Variants in FARP1 observed in about 807,000 individuals in gnomAD.
FARP1 encodes the protein FERM, ARH/RhoGEF and pleckstrin domain protein 1, also known as FERM, ARHGEF and pleckstrin domain-containing protein 1.
FARP1 carries 52 observed loss-of-function variants against 128.8 expected under a neutral mutation model. The ratio of observed to expected loss-of-function variants is 0.40; its 90% CI spans 0.32 to 0.51. The LOEUF (loss-of-function observed/expected upper bound fraction) is 0.51. FARP1 is among the 20% of genes least tolerant of loss of function. The pLI, the probability that FARP1 is intolerant of heterozygous loss-of-function variation, is 0.45. For missense variants in FARP1, 1,333 were observed against 1,367.9 expected, an observed-to-expected ratio of 0.97 and a Z score of 0.40; for synonymous variants, 580 against 551.8, an observed-to-expected ratio of 1.05 and a Z score of -0.72.
At chr13:98,253,377 G>A (rs899807087) in intron 2 of FARP1, among the ~76,000 whole-genome samples, 19 of 152,086 alleles carry the variant, frequency 1.2e-4, no homozygotes, top group African/African-American at 3.4e-4. Flanking sequence ...TGATGCTCTC[G>A]CAGGAAATGC....
intron 2 of FARP1, chr13:98,340,961 G>A (rs150516817): frequency 6.6e-6 from 1 of 152,290 alleles, no homozygotes; most frequent in African/African-American, 2.4e-5. Flanking sequence ...GGAGAGCTTG[G>A]CAGGGAAGAA....
intron 2 of FARP1, among the ~76,000 whole-genome samples, chr13:98,276,274 G>T (rs1884650360): frequency 6.6e-6 from 1 of 152,182 alleles, no homozygotes; most frequent in African/African-American, 2.4e-5. Context: ...CTCTGAAAAA[G>T]ATATTTAGAA....
At chr13:98,201,184 T>A (rs1403300203) in intron 1 of FARP1, among the ~76,000 whole-genome samples, 1 of 152,224 alleles carries the variant, frequency 6.6e-6, no homozygotes, top group East Asian at 1.9e-4. Flanking sequence ...GGTTCATGCC[T>A]GTACTCCCAG....
rs1893123787 is a variant in FARP1 at position 98,450,280 on chromosome 13, T to G, written c.*1963T>G. On this transcript the variant is annotated 3_prime_UTR_variant, in exon 27 of 27. Transcript: ENST00000319562. ...ACATGCCCTATTAGGTCACTCTGCCTTTGCTGACACATTTTATAGCAGAAA... is the reference window on the plus strand; with the variant it reads ...ACATGCCCTATTAGGTCACTCTGCCGTTGCTGACACATTTTATAGCAGAAA... 6.6e-6 allele frequency: 1 copy of G among 152,174 alleles called. No individual in the cohort carries two copies. The highest frequency in any genetic ancestry group is 2.1e-4 in the South Asian group (1 of 4,834). The allele number at this position is 152,174 out of a possible 1,614,324, so 9.4% of individuals were successfully genotyped here. A position where few individuals can be genotyped will look rare whatever the true frequency, so the allele number is the denominator to read the frequency against.
At chr13:98,433,060 C>T (rs529536295) in intron 18 of FARP1, 3 of 152,386 alleles carry the variant, frequency 2.0e-5, no homozygotes, top group African/African-American at 7.2e-5. Context: ...AGAAACAGCA[C>T]AAGCTCAGGT....
rs565660512 is a variant in FARP1 at position 98,257,981 on chromosome 13, A to AT, written c.171+44578dup. 2.6e-3 allele frequency among the ~76,000 whole-genome samples: 397 copies of AT among 150,330 alleles called. 2 individuals carry two copies. The highest frequency in any genetic ancestry group is 4.6e-3 in the Non-Finnish European group (310 of 67,432). On this transcript the variant is annotated intron_variant, in intron 2 of 26. Coordinates refer to ENST00000319562, the MANE Select transcript of FARP1 (RefSeq NM_005766.4). ...ATGTCGTACACCATTGATATATATA[A>AT]TTTTTTTTTTGAGATGGAGTCTCGC...
rs760628427 is a variant in FARP1, at chr13:98,176,371, C to G, written c.-24+32879C>G. On this transcript the variant is annotated intron_variant, in intron 1 of 26. Transcript: ENST00000319562. The surrounding 1 kb of genome is among the most constrained non-coding windows in gnomAD (Gnocchi z 6.2). ...GGTTGGCTGGTCACAGATGTAGCAGCGCGGGGTGGCCCGGAAGTGCTCCAG... is the reference window on the plus strand; with the variant it reads ...GGTTGGCTGGTCACAGATGTAGCAGGGCGGGGTGGCCCGGAAGTGCTCCAG... 3.1e-6 allele frequency: 5 copies of G among 1,614,196 alleles called. No individual in the cohort carries two copies. In the Middle Eastern group the frequency reaches 4.9e-4, roughly 160 times the overall value.
At chr13:98,215,224 A>G (rs897343520) in intron 2 of FARP1, among the ~76,000 whole-genome samples, 4 of 152,222 alleles carry the variant, frequency 2.6e-5, no homozygotes, top group Non-Finnish European at 5.9e-5. Context: ...ATTTTTCTTC[A>G]TAATTTCTGA....
chr13:98,206,659 G>T (rs1880288678), intron 1 of FARP1, among the ~76,000 whole-genome samples: 1 of 152,164 alleles, frequency 6.6e-6, no homozygotes, highest in Non-Finnish European at 1.5e-5. Flanking sequence ...TGGATGAATT[G>T]CAAGAGGAAG....
intron 1 of FARP1, among the ~76,000 whole-genome samples, chr13:98,196,947 C>T (rs1409620970): frequency 6.6e-6 from 1 of 152,034 alleles, no homozygotes. Context: ...GATAAGGTAC[C>T]CTTTACACAT....
chr13:98,359,985 T>C (rs771129258), intron 3 of FARP1, among the ~76,000 whole-genome samples: 3 of 152,028 alleles, frequency 2.0e-5, no homozygotes, highest in Non-Finnish European at 4.4e-5. Context: ...AGCTGAATTA[T>C]GGAAGAACAG....
intron 2 of FARP1, among the ~76,000 whole-genome samples, chr13:98,286,445 C>G (rs1266435079): frequency 6.6e-6 from 1 of 152,184 alleles, no homozygotes; most frequent in Non-Finnish European, 1.5e-5. Flanking sequence ...TGGTCTCTCC[C>G]ATACTGTTCT....
intron 16 of FARP1, among the ~76,000 whole-genome samples, chr13:98,421,969 T>TGG (rs1891610807): frequency 6.6e-6 from 1 of 152,198 alleles, no homozygotes; most frequent in Admixed American, 6.5e-5. Context: ...GTCATTCACA[T>TGG]GGAGTGCTCT....
intron 2 of FARP1, among the ~76,000 whole-genome samples, chr13:98,228,186 C>T (rs1952453641): frequency 6.6e-6 from 1 of 152,140 alleles, no homozygotes; most frequent in Admixed American, 6.5e-5. Flanking sequence ...TGGTGAAACC[C>T]TGTCTCTACT....
intron 2 of FARP1, among the ~76,000 whole-genome samples, chr13:98,221,889 T>A (rs1424664311): frequency 6.6e-6 from 1 of 152,198 alleles, no homozygotes; most frequent in Non-Finnish European, 1.5e-5. Context: ...TGTGTTAGAA[T>A]GTAAATATAA....
At chr13:98,278,172 A>AGTGTGTGTGTGTGTGTGTGT (rs58097403) in intron 2 of FARP1, among the ~76,000 whole-genome samples, 4 of 149,854 alleles carry the variant, frequency 2.7e-5, no homozygotes, top group African/African-American at 9.8e-5. Flanking sequence ...TGAGTGAGTG[A>AGTGTGTGTGTGTGTGTGTGT]GTGTGTGTGT....
At chr13:98,158,840 C>T (rs532645583) in intron 1 of FARP1, among the ~76,000 whole-genome samples, 11 of 152,044 alleles carry the variant, frequency 7.2e-5, no homozygotes, top group South Asian at 2.1e-4. Flanking sequence ...TTGTGTCTTC[C>T]GTCTGCGTCA....
intron 2 of FARP1, among the ~76,000 whole-genome samples, chr13:98,308,366 C>T (rs1341813890): frequency 6.6e-6 from 1 of 152,106 alleles, no homozygotes; most frequent in Non-Finnish European, 1.5e-5. Flanking sequence ...TTATGAAGGG[C>T]GTTCTTTGTA....
rs2139203910 is a variant in FARP1 at position 98,449,700 on chromosome 13, CA to C, written c.*1384del. On this transcript the variant is annotated 3_prime_UTR_variant, in exon 27 of 27. Transcript: ENST00000319562. ...CTTACAAGATGTACCAGACGGTTTC[CA>C]GTACTAACAAAGGGAATAAAAATAC... The C allele has an allele frequency of 6.6e-6, 1 of 152,072 alleles. No individual in the cohort carries two copies. Among genetic ancestry groups the C allele is most frequent in the South Asian group, 2.1e-4 (1 of 4,810 alleles). The allele number at this position is 152,072 out of a possible 1,614,324, so 9.4% of individuals were successfully genotyped here. A position where few individuals can be genotyped will look rare whatever the true frequency, so the allele number is the denominator to read the frequency against.
Sources: gnomAD v4.1 joint callset for allele counts (sites outside exome capture counted in the v4.1 genomes callset) on GRCh38, gnomAD v4.1.1 for gene constraint, Gnocchi (gnomAD v3.1) non-coding constraint, MANE v1.5 for transcripts, NCBI Gene and HGNC (gene_info 2026-07-23, HGNC 2026-07-21) for gene names.